TRAPPC3: variants seen among roughly 807,000 people sequenced by gnomAD.
TRAPPC3 encodes trafficking protein particle complex 3.
A neutral mutation model predicts 18.2 loss-of-function variants in TRAPPC3; 5 were observed. The ratio of observed to expected loss-of-function variants is 0.28; its 90% confidence interval spans 0.14 to 0.58. The LOEUF (loss-of-function observed/expected upper bound fraction) is 0.58, where lower values mean the gene tolerates loss of function less well. Ranked by LOEUF, TRAPPC3 falls within the 20% of genes least tolerant of loss-of-function variation. TRAPPC3 has a pLI of 0.91. For synonymous variants in TRAPPC3, 65 were observed against 84.2 expected (o/e 0.77, Z 1.25); for missense variants, 176 against 225.9 (o/e 0.78, Z 1.41).
intron 4 of TRAPPC3, 68 bp downstream of exon 4, chr1:36,137,728 T>C (rs975408984): frequency 1.3e-6 from 2 of 1,490,604 alleles, no homozygotes; most frequent in Non-Finnish European, 9.1e-7. Flanking sequence ...CTCTCTTTCA[T>C]TCATTTAAAC....
At chr1:36,149,677 C>A (rs942494928), upstream of TRAPPC3, among the ~76,000 whole-genome samples, 1 of 152,252 alleles carries the variant, frequency 6.6e-6, no homozygotes, top group African/African-American at 2.4e-5. Flanking sequence ...GCCCAGCTTG[C>A]GCTGGGCAGC....
rs376110188 is a variant in TRAPPC3 at position 36,140,186 on chromosome 1, C to T, written c.43-20G>A. ...AGAGCTCTAAAAGAGATTCAAAAGG[C>T]AGTCAGGACCAAGCAGCACAAAAGA... On this transcript the variant is annotated intron_variant, in intron 1 of 4. Coordinates refer to ENST00000373166, the MANE Select transcript of TRAPPC3 (RefSeq NM_014408.5). 1.0e-5 allele frequency: 15 copies of T among 1,507,444 alleles called. No individual in the cohort carries two copies. The Admixed American group carries it at 1.1e-4, about 11-fold the overall frequency. 93.4% of individuals were successfully genotyped at this position (1,507,444 alleles called of 1,614,324 possible).
chr1:36,154,949 A>G (rs950470726), intron 1 of TRAPPC3, among the ~76,000 whole-genome samples: 4 of 152,070 alleles, frequency 2.6e-5, no homozygotes, highest in African/African-American at 9.7e-5. Flanking sequence ...AGATACGCAC[A>G]CATCCCAGGA....
chr1:36,141,714 C>T (rs1407068265), intron 1 of TRAPPC3, among the ~76,000 whole-genome samples: 2 of 151,844 alleles, frequency 1.3e-5, no homozygotes, highest in African/African-American at 2.4e-5. Context: ...AATCCCAGCA[C>T]TTTGGAAGTC....
chr1:36,141,958 C>CAAAAA (rs71053907), intron 1 of TRAPPC3, among the ~76,000 whole-genome samples: 17 of 64,128 alleles, frequency 2.7e-4, no homozygotes, highest in African/African-American at 3.6e-4. Flanking sequence ...ATTCCGTCTC[C>CAAAAA]AAAAAAAAAA....
intron 1 of TRAPPC3, 105 bp downstream of exon 1, chr1:36,149,232 T>C (rs1644246058): frequency 1.3e-6 from 2 of 1,559,380 alleles, no homozygotes; most frequent in Non-Finnish European, 1.7e-6. Context: ...TTGCCAGAGC[T>C]CACAGGAAGG....
intron 1 of TRAPPC3, chr1:36,140,513 A>C (rs1644091945): frequency 4.9e-6 from 1 of 202,144 alleles, no homozygotes; most frequent in Non-Finnish European, 9.9e-6. Context: ...CATTCACTAG[A>C]TGCTGTGAAA....
upstream of TRAPPC3, among the ~76,000 whole-genome samples, chr1:36,154,296 G>A (rs1184311369): frequency 6.6e-6 from 1 of 152,148 alleles, no homozygotes; most frequent in Non-Finnish European, 1.5e-5. Context: ...AGCCACCACA[G>A]CCAGCCACTA....
upstream of TRAPPC3, among the ~76,000 whole-genome samples, chr1:36,153,293 A>G (rs2124182573): frequency 6.6e-6 from 1 of 152,332 alleles, no homozygotes; most frequent in East Asian, 1.9e-4. Flanking sequence ...GGAATCTGCC[A>G]GGGATCCTGG....
At chr1:36,145,182 C>T (rs555793329) in intron 1 of TRAPPC3, among the ~76,000 whole-genome samples, 4 of 151,434 alleles carry the variant, frequency 2.6e-5, no homozygotes, top group East Asian at 4.0e-4. Flanking sequence ...CCACCACACC[C>T]GGCTAATTTT....
At chr1:36,140,276 G>A (rs994048867) in intron 1 of TRAPPC3, 110 bp from the exon 2 acceptor site, 4 of 659,392 alleles carry the variant, frequency 6.1e-6, no homozygotes, top group Non-Finnish European at 9.6e-6. Flanking sequence ...AACTGTGTCT[G>A]GAGGGAAAGA....
At chr1:36,146,137 G>C (rs1219879637) in intron 1 of TRAPPC3, among the ~76,000 whole-genome samples, 2 of 145,870 alleles carry the variant, frequency 1.4e-5, no homozygotes, top group African/African-American at 5.1e-5. Flanking sequence ...GGAGTGCCGT[G>C]GTGCCATTTC....
chr1:36,143,229 T>C (rs1446580095), intron 1 of TRAPPC3, among the ~76,000 whole-genome samples: 1 of 144,354 alleles, frequency 6.9e-6, no homozygotes, highest in Non-Finnish European at 1.5e-5. Context: ...CAAAAACAGA[T>C]TGGGGGCATT....
At chr1:36,143,649 C>G (rs886344289) in intron 1 of TRAPPC3, among the ~76,000 whole-genome samples, 1 of 152,164 alleles carries the variant, frequency 6.6e-6, no homozygotes, top group African/African-American at 2.4e-5. Context: ...TTCTGCAACA[C>G]ATCTATTTTT....
At chr1:36,139,318 C>G (rs1002350172) in intron 3 of TRAPPC3, 2 of 165,804 alleles carry the variant, frequency 1.2e-5, no homozygotes, top group Non-Finnish European at 2.6e-5. Flanking sequence ...CCACCACGCC[C>G]AGCAAACTTT....
chr1:36,144,472 T>C (rs1166685087), intron 1 of TRAPPC3, among the ~76,000 whole-genome samples: 3 of 151,566 alleles, frequency 2.0e-5, no homozygotes, highest in Admixed American at 1.3e-4. Context: ...AGGAAACACA[T>C]TGAGACCCCA....
Position 36,144,289 on chromosome 1 carries a change from CA to C in TRAPPC3, c.43-4124del, listed in dbSNP as rs58378686. 8.8e-3 allele frequency among the ~76,000 whole-genome samples: 505 copies of C among 57,472 alleles called. 5 individuals carry two copies. The highest frequency in any genetic ancestry group is 0.039 in the African/African-American group (444 of 11,266). 37.7% of individuals were successfully genotyped at this position (57,472 alleles called of 152,430 possible). A position where few individuals can be genotyped will look rare whatever the true frequency, so the allele number is the denominator to read the frequency against. On this transcript the variant is annotated intron_variant, in intron 1 of 4. Transcript: ENST00000373166. Reference sequence around the variant, plus strand: ...GGAGACAAGAGCGAAACCCTGTCTCCAAAAAAAAAAAAAAAAAAAAGGGAGG... The same window carrying C: ...GGAGACAAGAGCGAAACCCTGTCTCCAAAAAAAAAAAAAAAAAAAGGGAGG...
chr1:36,141,642 C>A (rs996109912), intron 1 of TRAPPC3, among the ~76,000 whole-genome samples: 2 of 152,172 alleles, frequency 1.3e-5, no homozygotes, highest in Admixed American at 6.6e-5. Flanking sequence ...GATGAGGAAA[C>A]TGAGACCCAG....
At chr1:36,137,646 C>T (rs1215661773) in intron 4 of TRAPPC3, 150 bp downstream of exon 4, 4 of 853,412 alleles carry the variant, frequency 4.7e-6, no homozygotes, top group Non-Finnish European at 5.3e-6. Context: ...AGATGTCCGA[C>T]TTGGATCCTA....
Sources: gnomAD v4.1 joint callset for allele counts (sites outside exome capture counted in the v4.1 genomes callset) on GRCh38, gnomAD v4.1.1 for gene constraint, MANE v1.5 for transcripts, NCBI Gene and HGNC (gene_info 2026-07-23, HGNC 2026-07-21) for gene names.